The following GRIN2B variants were observed in gnomAD, a reference collection of about 807,000 sequenced individuals.
The protein encoded by GRIN2B is glutamate receptor ionotropic, NMDA 2B.
GRIN2B carries 5 observed loss-of-function variants against 114.5 expected under a neutral mutation model. That is an observed-to-expected ratio of 0.04 (90% CI 0.02 to 0.09). GRIN2B has a LOEUF of 0.09. Ranked by LOEUF, GRIN2B falls within the 10% of genes least tolerant of loss-of-function variation. The pLI is 1.00. For missense variants in GRIN2B, 1,108 were observed against 1,943.5 expected (o/e 0.57, Z 8.08); for synonymous variants, 787 against 745.1 (o/e 1.06, Z -0.92).
chr12:13,837,185 G>A (rs551116762), intron 3 of GRIN2B, among the ~76,000 whole-genome samples: 1 of 152,262 alleles, frequency 6.6e-6, no homozygotes, highest in South Asian at 2.1e-4. Flanking sequence ...AGGCCTCAAG[G>A]CCTTTAGGGG....
At chr12:13,654,288 A>T (rs2136520090) in intron 5 of GRIN2B, among the ~76,000 whole-genome samples, 1 of 152,318 alleles carries the variant, frequency 6.6e-6, no homozygotes, top group South Asian at 2.1e-4. Context: ...AAGGGAAAGA[A>T]AAGCTTCCCT....
intron 2 of GRIN2B, among the ~76,000 whole-genome samples, chr12:13,912,073 A>G (rs925162360): frequency 2.2e-4 from 34 of 152,078 alleles, no homozygotes; most frequent in African/African-American, 7.0e-4. Flanking sequence ...CACCTTACAC[A>G]GGGAGGAGCT....
intron 3 of GRIN2B, among the ~76,000 whole-genome samples, chr12:13,820,003 A>T (rs1864903708): frequency 6.6e-6 from 1 of 151,992 alleles, no homozygotes; most frequent in Non-Finnish European, 1.5e-5. Flanking sequence ...GGTGGGTCCT[A>T]CTCTCCTTGA....
intron 3 of GRIN2B, among the ~76,000 whole-genome samples, chr12:13,762,782 A>C (rs951986712): frequency 6.6e-6 from 1 of 152,222 alleles, no homozygotes; most frequent in Non-Finnish European, 1.5e-5. Context: ...GGCATGGCTG[A>C]GTTTAAAATG....
In GRIN2B at chr12:13,753,523, T is replaced by C. The variant is rs200869732; in HGVS notation, c.804A>G (p.Thr268=). The C allele has an allele frequency of 6.2e-7, 1 of 1,614,186 alleles. No homozygotes were observed. The highest frequency in any genetic ancestry group is 8.5e-7 in the Non-Finnish European group (1 of 1,180,024). Reference sequence around the variant, plus strand: ...GCCCAGTGGGGAACTCCGCAGGCACTGTGTCTGTATCCCCTGCCACCAGAC... The same window carrying C: ...GCCCAGTGGGGAACTCCGCAGGCACCGTGTCTGTATCCCCTGCCACCAGAC... ...VPSLVAGDTD[T]VPAEFPTGLI... The change falls in exon 4 of 14, where the codon ACA becomes ACG. Residue 268 remains threonine, a synonymous_variant. Transcript: ENST00000609686. The surrounding 1 kb of genome is among the most constrained non-coding windows in gnomAD (Gnocchi z 6.2).
chr12:13,570,596 CAGA>C (rs750178836), intron 11 of GRIN2B, among the ~76,000 whole-genome samples: 48 of 152,100 alleles, frequency 3.2e-4, no homozygotes, highest in Non-Finnish European at 5.9e-4. Flanking sequence ...AAGCAAAATA[CAGA>C]AGAATTCAGA....
rs909343861 is a variant in GRIN2B at position 13,869,835 on chromosome 12, C to T, written c.-18-3609G>A. Among the ~76,000 whole-genome samples the T allele has an allele frequency of 7.9e-5, 12 of 152,148 alleles. No individual in the cohort carries two copies. In the East Asian group the frequency reaches 1.9e-3, roughly 24 times the overall value. On this transcript the variant is annotated intron_variant, in intron 2 of 13. Coordinates refer to ENST00000609686, the MANE Select transcript of GRIN2B (RefSeq NM_000834.5). Reference sequence around the variant, plus strand: ...TGTTAACACAGTGCCTGAGGATGGGCGAGTCACCTAATTACCATCTCTATG... The same window carrying T: ...TGTTAACACAGTGCCTGAGGATGGGTGAGTCACCTAATTACCATCTCTATG...
rs2136403871 is a variant in GRIN2B at position 13,563,516 on chromosome 12, C to T, written c.3722G>A (p.Arg1241Gln). The T allele has an allele frequency of 2.5e-6, 4 of 1,614,094 alleles. No homozygotes were observed. Among genetic ancestry groups the T allele is most frequent in the Non-Finnish European group, 3.4e-6 (4 of 1,180,020 alleles). The change falls in exon 14 of 14, where the codon CGG becomes CAG. Residue 1241 changes from arginine (R) to glutamine (Q), a missense_variant. Physicochemically the swap from Arg to Gln is conservative, Grantham distance 43. Coordinates refer to ENST00000609686, the MANE Select transcript of GRIN2B (RefSeq NM_000834.5). Reference protein sequence around the residue: ...GQNSGRQACIRCEACKKAGNL... With the variant: ...GQNSGRQACIQCEACKKAGNL... ...GCCTGCTTTCTTGCAAGCCTCACAC[C>T]GGATGCACGCCTGCCTGCCCGAGTT...
intron 10 of GRIN2B, among the ~76,000 whole-genome samples, chr12:13,588,773 T>C (rs1381179678): frequency 2.0e-5 from 3 of 152,198 alleles, no homozygotes; most frequent in Non-Finnish European, 2.9e-5. Flanking sequence ...GTGGTCAGGC[T>C]GCGTTATACA....
At chr12:13,804,019 A>G (rs1288063071) in intron 3 of GRIN2B, among the ~76,000 whole-genome samples, 1 of 152,112 alleles carries the variant, frequency 6.6e-6, no homozygotes, top group Non-Finnish European at 1.5e-5. Context: ...TTCACCATTT[A>G]CCCATTTTCG....
At chr12:13,890,097 C>T (rs1866233188) in intron 2 of GRIN2B, among the ~76,000 whole-genome samples, 1 of 152,146 alleles carries the variant, frequency 6.6e-6, no homozygotes, top group Admixed American at 6.5e-5. Context: ...CCTTTCAGCC[C>T]CTGCTGGGCT....
intron 10 of GRIN2B, among the ~76,000 whole-genome samples, chr12:13,574,768 T>G (rs554654847): frequency 6.6e-6 from 1 of 152,322 alleles, no homozygotes; most frequent in Non-Finnish European, 1.5e-5. Context: ...ATAAAGGGTC[T>G]AGAATAGCCA....
intron 5 of GRIN2B, among the ~76,000 whole-genome samples, chr12:13,626,896 G>A (rs1489936070): frequency 7.2e-6 from 1 of 139,228 alleles, no homozygotes; most frequent in Non-Finnish European, 1.5e-5. Context: ...CTCCACCCAT[G>A]TGATCCTGTG....
intron 3 of GRIN2B, among the ~76,000 whole-genome samples, chr12:13,793,149 G>A (rs986235033): frequency 6.6e-6 from 1 of 151,586 alleles, no homozygotes; most frequent in Non-Finnish European, 1.5e-5. Flanking sequence ...GCTCACGCCT[G>A]TAATCCCAGC....
intron 4 of GRIN2B, among the ~76,000 whole-genome samples, chr12:13,703,329 C>T (rs1393437533): frequency 6.6e-6 from 1 of 152,076 alleles, no homozygotes; most frequent in African/African-American, 2.4e-5. Context: ...TGTGTTATTC[C>T]TGAAATACTA....
intron 4 of GRIN2B, among the ~76,000 whole-genome samples, chr12:13,731,643 C>T (rs912794906): frequency 5.9e-5 from 9 of 152,026 alleles, no homozygotes; most frequent in Admixed American, 4.6e-4. Flanking sequence ...AAACCAAAAG[C>T]CCAGCTTTGA....
At chr12:13,893,375 A>G (rs974646577) in intron 2 of GRIN2B, among the ~76,000 whole-genome samples, 23 of 152,238 alleles carry the variant, frequency 1.5e-4, no homozygotes. Flanking sequence ...AAAAACTAAT[A>G]CTTCCAAAAA....
chr12:13,834,803 C>A (rs527491819), intron 3 of GRIN2B, among the ~76,000 whole-genome samples: 1 of 152,334 alleles, frequency 6.6e-6, no homozygotes, highest in Non-Finnish European at 1.5e-5. Flanking sequence ...GCCAGTAAAT[C>A]TCAACTTCTG....
rs575850366 is a variant in GRIN2B at position 13,566,817 on chromosome 12, C to T, written c.2598+208G>A. On this transcript the variant is annotated intron_variant, in intron 13 of 13. Coordinates refer to ENST00000609686, the MANE Select transcript of GRIN2B (RefSeq NM_000834.5). ...AACTGCCCAAATCCCACACAGAAAG[C>T]TGTTTCTTGAAGGAAATATAGTATC... 2.0e-5 allele frequency among the ~76,000 whole-genome samples: 3 copies of T among 152,340 alleles called. No individual in the cohort carries two copies. The East Asian group carries it at 5.8e-4, about 29-fold the overall frequency.
Sources: gnomAD v4.1 joint callset for allele counts (sites outside exome capture counted in the v4.1 genomes callset) on GRCh38, gnomAD v4.1.1 for gene constraint, Gnocchi (gnomAD v3.1) non-coding constraint, MANE v1.5 for transcripts, NCBI Gene and HGNC (gene_info 2026-07-23, HGNC 2026-07-21) for gene names.